CDH13: variants seen among roughly 807,000 people sequenced by gnomAD.
CDH13 encodes cadherin-13.
In CDH13, 24 loss-of-function variants were observed where a neutral mutation model predicts 63.8. That is an observed-to-expected ratio of 0.38 (90% CI 0.27 to 0.53). The LOEUF (loss-of-function observed/expected upper bound fraction) is 0.53, where lower values mean the gene tolerates loss of function less well. Among genes scored for constraint, CDH13 ranks in the 20% least tolerant of loss-of-function variants. The pLI, the probability that CDH13 is intolerant of heterozygous loss-of-function variation, is 0.85. For synonymous variants in CDH13, 503 were observed against 355.3 expected (o/e 1.42, Z -4.67); for missense variants, 1,049 against 903.1 (o/e 1.16, Z -2.07).
At chr16:83,219,710 T>G (rs1487137979) in intron 5 of CDH13, among the ~76,000 whole-genome samples, 2 of 152,226 alleles carry the variant, frequency 1.3e-5, no homozygotes, top group Non-Finnish European at 2.9e-5. Context: ...ACTTTTATAG[T>G]CTATGTCATA....
At chr16:82,867,847 AG>A (rs1211791213) in intron 2 of CDH13, among the ~76,000 whole-genome samples, 1 of 152,188 alleles carries the variant, frequency 6.6e-6, no homozygotes, top group African/African-American at 2.4e-5. Flanking sequence ...GCAGCCTCAC[AG>A]GTGGAGAATT....
intron 7 of CDH13, among the ~76,000 whole-genome samples, chr16:83,589,370 C>T (rs1193816860): frequency 6.8e-6 from 1 of 147,366 alleles, no homozygotes. Flanking sequence ...TGCCCTCTCC[C>T]TCTCCCCCAA....
chr16:83,681,426 G>A (rs905530968), intron 10 of CDH13, among the ~76,000 whole-genome samples: 1 of 152,172 alleles, frequency 6.6e-6, no homozygotes, highest in South Asian at 2.1e-4. Flanking sequence ...ATGTGCATAT[G>A]TGTGTGCTGC....
chr16:82,648,998 A>G (rs1439522472), intron 1 of CDH13, among the ~76,000 whole-genome samples: 1 of 152,132 alleles, frequency 6.6e-6, no homozygotes, highest in Non-Finnish European at 1.5e-5. Flanking sequence ...GATGATGGGG[A>G]AGAAAGAGAA....
chr16:83,428,488 A>G (rs1339122483), intron 6 of CDH13, among the ~76,000 whole-genome samples: 1 of 152,162 alleles, frequency 6.6e-6, no homozygotes, highest in Non-Finnish European at 1.5e-5. Flanking sequence ...CTGCTTTTGA[A>G]AAAAGTGCTT....
intron 1 of CDH13, among the ~76,000 whole-genome samples, chr16:82,790,054 T>C (rs770382379): frequency 7.2e-5 from 11 of 152,304 alleles, no homozygotes; most frequent in African/African-American, 2.4e-4. Flanking sequence ...TCTGGTGCTA[T>C]AGGGGGGTGC....
intron 1 of CDH13, chr16:82,825,069 T>C (rs1169114416): frequency 1.3e-5 from 2 of 152,332 alleles, no homozygotes; most frequent in Admixed American, 6.5e-5. Flanking sequence ...ATGAGTTTAA[T>C]ATTGAGGTTG....
chr16:83,233,142 C>A (rs1007185793), intron 5 of CDH13, among the ~76,000 whole-genome samples: 1 of 152,140 alleles, frequency 6.6e-6, no homozygotes, highest in Non-Finnish European at 1.5e-5. Flanking sequence ...CTAGAAAAGT[C>A]TTTTCAGGAA....
At chr16:83,062,362 G>C (rs1294627361) in intron 3 of CDH13, among the ~76,000 whole-genome samples, 1 of 152,082 alleles carries the variant, frequency 6.6e-6, no homozygotes, top group Non-Finnish European at 1.5e-5. Flanking sequence ...TCCATCTCCA[G>C]TTCCTATCAG....
intron 5 of CDH13, among the ~76,000 whole-genome samples, chr16:83,336,269 C>T (rs1174501324): frequency 1.4e-5 from 2 of 145,226 alleles, no homozygotes; most frequent in South Asian, 2.2e-4. Context: ...CCACTGTACT[C>T]CAGCATGGGT....
At chr16:82,773,130 C>G (rs1273901305) in intron 1 of CDH13, among the ~76,000 whole-genome samples, 4 of 152,210 alleles carry the variant, frequency 2.6e-5, no homozygotes, top group South Asian at 2.1e-4. Context: ...TGGCCCAAAA[C>G]AAATGATACA....
chr16:83,612,748 A>G (rs1908963683), intron 8 of CDH13, among the ~76,000 whole-genome samples: 1 of 152,152 alleles, frequency 6.6e-6, no homozygotes, highest in African/African-American at 2.4e-5. Flanking sequence ...TCTAACATCA[A>G]GTAGAATTTT....
At chr16:83,392,477 A>G (rs1334649130) in intron 6 of CDH13, among the ~76,000 whole-genome samples, 1 of 152,178 alleles carries the variant, frequency 6.6e-6, no homozygotes, top group East Asian at 1.9e-4. Context: ...AGATTCTAGA[A>G]CCTCAATTAT....
At chr16:83,760,030 C>A (rs1913836246) in intron 11 of CDH13, among the ~76,000 whole-genome samples, 1 of 151,228 alleles carries the variant, frequency 6.6e-6, no homozygotes, top group African/African-American at 2.4e-5. Context: ...AAATACTTCA[C>A]AGCAGAAAAT....
chr16:82,629,936 AG>A (rs1429297918), intron 1 of CDH13, among the ~76,000 whole-genome samples: 2 of 152,224 alleles, frequency 1.3e-5, no homozygotes, highest in African/African-American at 4.8e-5. Flanking sequence ...ACTAACCAAA[AG>A]TTCTAACAAT....
intron 7 of CDH13, among the ~76,000 whole-genome samples, chr16:83,568,269 G>T (rs909139000): frequency 6.6e-6 from 1 of 152,158 alleles, no homozygotes; most frequent in Non-Finnish European, 1.5e-5. Context: ...CACGAGTTTG[G>T]CCTTTAAAAA....
chr16:83,266,511 C>T (rs974694548), intron 5 of CDH13, among the ~76,000 whole-genome samples: 1 of 152,068 alleles, frequency 6.6e-6, no homozygotes, highest in Non-Finnish European at 1.5e-5. Context: ...TTGTTGTATT[C>T]CTCAGAAAGT....
intron 1 of CDH13, among the ~76,000 whole-genome samples, chr16:82,629,948 G>A (rs1272929101): frequency 6.6e-6 from 1 of 152,200 alleles, no homozygotes; most frequent in East Asian, 1.9e-4. Flanking sequence ...TTCTAACAAT[G>A]AGTGAGTAAT....
At chr16:82,880,123 G>A (rs2040649204) in intron 2 of CDH13, among the ~76,000 whole-genome samples, 1 of 151,660 alleles carries the variant, frequency 6.6e-6, no homozygotes, top group African/African-American at 2.4e-5. Context: ...GTGAGCAAAT[G>A]ATACATACTG....
Sources: allele counts gnomAD v4.1 joint callset (sites outside exome capture counted in the v4.1 genomes callset), GRCh38; gene constraint gnomAD v4.1.1; transcripts MANE v1.5; gene names NCBI Gene and HGNC (gene_info 2026-07-23, HGNC 2026-07-21).